SLC25A21: variants seen among roughly 807,000 people sequenced by gnomAD.
SLC25A21 encodes solute carrier family 25 member 21.
SLC25A21 carries 47 observed loss-of-function variants against 43.8 expected under a neutral mutation model. The ratio of observed to expected loss-of-function variants is 1.07; its 90% CI spans 0.85 to 1.37. The LOEUF (loss-of-function observed/expected upper bound fraction) is 1.37. Ranked by LOEUF, SLC25A21 falls within the 40% of genes most tolerant of loss-of-function variation. The pLI, the probability that SLC25A21 is intolerant of heterozygous loss-of-function variation, is 0.00. For synonymous variants in SLC25A21, 131 were observed against 121.3 expected (o/e 1.08, Z -0.52); for missense variants, 352 against 350.2 (o/e 1.00, Z -0.04).
At chr14:36,729,589 C>A in intron 4 of SLC25A21, 23 bp from the exon 5 acceptor site, 1 of 1,593,546 alleles carries the variant, frequency 6.3e-7, no homozygotes, top group Non-Finnish European at 8.5e-7. Context: ...ACCAAACTCA[C>A]AGATTTATAA....
In SLC25A21 at chr14:36,776,222, TTTTC is replaced by T. The variant is rs1238160600; in HGVS notation, c.203+37692_203+37695del. On this transcript the variant is annotated intron_variant, in intron 3 of 9. Coordinates refer to ENST00000331299, the MANE Select transcript of SLC25A21 (RefSeq NM_030631.4). ...TCCCACCAACTGCTTTCTTTTTTCT[TTTTC>T]TTTCTTTCTTTCTTTTTTTTTTTTT... Among the ~76,000 whole-genome samples, 60 of 100,416 alleles carry T rather than the reference TTTTC, an allele frequency of 6.0e-4. 3 individuals carry two copies. The highest frequency in any genetic ancestry group is 2.0e-3 in the African/African-American group (49 of 24,418). 65.9% of individuals were successfully genotyped at this position (100,416 alleles called of 152,430 possible).
intron 1 of SLC25A21, among the ~76,000 whole-genome samples, chr14:36,882,616 G>C (rs1890768672): frequency 6.6e-6 from 1 of 152,040 alleles, no homozygotes; most frequent in Admixed American, 6.6e-5. Context: ...GAAACCCACT[G>C]AAGAAGTTCT....
At chr14:36,828,589 A>G (rs1888920505) in intron 2 of SLC25A21, 1 of 152,248 alleles carries the variant, frequency 6.6e-6, no homozygotes. Context: ...GTGTTGTACT[A>G]TTGTAGAAGT....
chr14:37,099,809 G>C (rs1055636472), intron 1 of SLC25A21, among the ~76,000 whole-genome samples: 1 of 152,084 alleles, frequency 6.6e-6, no homozygotes, highest in Admixed American at 6.6e-5. Context: ...GGAGCTCTGA[G>C]AGAGTAAGTG....
At chr14:37,038,482 C>A (rs897093348) in intron 1 of SLC25A21, among the ~76,000 whole-genome samples, 2 of 152,140 alleles carry the variant, frequency 1.3e-5, no homozygotes, top group Non-Finnish European at 2.9e-5. Flanking sequence ...CATATTATTT[C>A]TACTTGAAAA....
At chr14:36,907,186 T>C (rs1174422185) in intron 1 of SLC25A21, among the ~76,000 whole-genome samples, 1 of 152,184 alleles carries the variant, frequency 6.6e-6, no homozygotes, top group African/African-American at 2.4e-5. Context: ...TTTTATCATG[T>C]ACTTGGAGGA....
At chr14:37,071,664 C>T (rs747142057) in intron 1 of SLC25A21, among the ~76,000 whole-genome samples, 1 of 152,148 alleles carries the variant, frequency 6.6e-6, no homozygotes, top group Non-Finnish European at 1.5e-5. Flanking sequence ...AGTCTAGATC[C>T]AGAGATACAT....
chr14:37,147,766 A>G (rs1375268683), intron 1 of SLC25A21, among the ~76,000 whole-genome samples: 2 of 151,426 alleles, frequency 1.3e-5, no homozygotes, highest in African/African-American at 4.9e-5. Context: ...AACATGACAT[A>G]TATGTTTAGG....
At chr14:37,078,493 G>A (rs1962326382) in intron 1 of SLC25A21, among the ~76,000 whole-genome samples, 1 of 152,036 alleles carries the variant, frequency 6.6e-6, no homozygotes, top group African/African-American at 2.4e-5. Context: ...GAAAATCAAG[G>A]TTTTGTGGAC....
At chr14:36,722,369 T>G (rs1884409705) in intron 6 of SLC25A21, among the ~76,000 whole-genome samples, 1 of 152,286 alleles carries the variant, frequency 6.6e-6, no homozygotes, top group East Asian at 1.9e-4. Context: ...TATGTCATTA[T>G]ACATTTGTTC....
chr14:37,094,899 T>C (rs894406611), intron 1 of SLC25A21, among the ~76,000 whole-genome samples: 2 of 152,174 alleles, frequency 1.3e-5, no homozygotes, highest in African/African-American at 4.8e-5. Flanking sequence ...TACAACATGG[T>C]GGCTATAGTT....
chr14:37,026,809 A>T (rs1961101867), intron 1 of SLC25A21, among the ~76,000 whole-genome samples: 1 of 152,188 alleles, frequency 6.6e-6, no homozygotes, highest in Non-Finnish European at 1.5e-5. Flanking sequence ...TGATATGGCA[A>T]AAACATGTCA....
intron 1 of SLC25A21, among the ~76,000 whole-genome samples, chr14:37,006,803 T>C (rs994864917): frequency 2.6e-5 from 4 of 152,176 alleles, no homozygotes; most frequent in Non-Finnish European, 5.9e-5. Flanking sequence ...GATGGAGATT[T>C]AGAAGCACAG....
intron 1 of SLC25A21, among the ~76,000 whole-genome samples, chr14:36,957,777 C>T (rs190697706): frequency 5.9e-5 from 9 of 152,330 alleles, no homozygotes; most frequent in Admixed American, 3.3e-4. Context: ...ATGTAACTCA[C>T]TATGTCCACT....
chr14:36,824,780 G>A (rs1888762010), intron 2 of SLC25A21, among the ~76,000 whole-genome samples: 1 of 129,760 alleles, frequency 7.7e-6, no homozygotes, highest in Admixed American at 8.7e-5. Flanking sequence ...CCAGCTGACA[G>A]TGAAGTTTAT....
intron 7 of SLC25A21, among the ~76,000 whole-genome samples, chr14:36,686,353 A>AT (rs1403157997): frequency 1.3e-5 from 2 of 152,026 alleles, no homozygotes; most frequent in Admixed American, 1.3e-4. Flanking sequence ...CTCTCCCCCC[A>AT]TTTTTTCTCT....
In SLC25A21 at chr14:37,064,813, AGACACTGTAGTAAGCACTAGG is replaced by A. The variant is rs375926142; in HGVS notation, c.70+107447_70+107467del. ...AATAATTATTAGACACCTATGAGAC[AGACACTGTAGTAAGCACTAGG>A]GACATAAAGACAAGGCATGCATATT... On this transcript the variant is annotated intron_variant, in intron 1 of 9. Transcript: ENST00000331299. Among the ~76,000 whole-genome samples the A allele has an allele frequency of 1.2e-3, 183 of 152,332 alleles. 1 individual carries two copies. Among genetic ancestry groups the A allele is most frequent in the African/African-American group, 4.2e-3 (173 of 41,582 alleles).
At chr14:36,696,186 T>A (rs1883016524) in intron 7 of SLC25A21, among the ~76,000 whole-genome samples, 1 of 152,188 alleles carries the variant, frequency 6.6e-6, no homozygotes, top group Non-Finnish European at 1.5e-5. Flanking sequence ...TTGTCATTAG[T>A]TCTGTTTATG....
intron 1 of SLC25A21, among the ~76,000 whole-genome samples, chr14:37,017,003 G>T (rs889105494): frequency 6.6e-6 from 1 of 151,994 alleles, no homozygotes; most frequent in East Asian, 1.9e-4. Context: ...CTTCTATCCA[G>T]ACTACTAAAA....
Sources: allele counts gnomAD v4.1 joint callset (sites outside exome capture counted in the v4.1 genomes callset), GRCh38; gene constraint gnomAD v4.1.1; transcripts MANE v1.5; gene names NCBI Gene and HGNC (gene_info 2026-07-23, HGNC 2026-07-21).